SNX29: variants seen among roughly 807,000 people sequenced by gnomAD.
The protein encoded by SNX29 is sorting nexin 29.
A neutral mutation model predicts 102.1 loss-of-function variants in SNX29; 78 were observed. The observed-to-expected ratio is 0.76, with a 90% CI of 0.64 to 0.92. SNX29 has a LOEUF of 0.92. Among genes scored for constraint, SNX29 ranks in the 40% least tolerant of loss-of-function variants. The pLI is 0.00. For synonymous variants in SNX29, 580 were observed against 414.5 expected, an observed-to-expected ratio of 1.40 and a Z score of -4.85; for missense variants, 1,280 against 1,061.7, an observed-to-expected ratio of 1.21 and a Z score of -2.86.
chr16:12,518,285 A>C (rs1039625237), intron 19 of SNX29, among the ~76,000 whole-genome samples: 1 of 152,164 alleles, frequency 6.6e-6, no homozygotes, highest in Non-Finnish European at 1.5e-5. Context: ...TCACTGGTCT[A>C]CGTGGCTCTG....
chr16:12,135,636 C>A, intron 13 of SNX29: 1 of 1,336,802 alleles, frequency 7.5e-7, no homozygotes, highest in Non-Finnish European at 9.9e-7. Context: ...ATCAACAGTT[C>A]CTGATAGTCT....
intron 20 of SNX29, among the ~76,000 whole-genome samples, chr16:12,528,978 ACACT>A (rs960223807): frequency 6.6e-6 from 1 of 152,200 alleles, no homozygotes; most frequent in African/African-American, 2.4e-5. Context: ...GCTTTCACAC[ACACT>A]CTTCCATTTT....
At chr16:12,368,432 C>T (rs2151369042) in intron 16 of SNX29, among the ~76,000 whole-genome samples, 1 of 152,334 alleles carries the variant, frequency 6.6e-6, no homozygotes, top group East Asian at 1.9e-4. Flanking sequence ...AGGCATTTTC[C>T]ACACTGGCTT....
At chr16:12,104,417 G>A (rs573110540) in intron 11 of SNX29, among the ~76,000 whole-genome samples, 90 of 152,198 alleles carry the variant, frequency 5.9e-4, no homozygotes, top group African/African-American at 1.9e-3. Flanking sequence ...TTAGCTGGGC[G>A]TGGTGGTGCA....
At chr16:12,126,805 T>G in intron 12 of SNX29, 109 bp downstream of exon 12, 1 of 1,163,122 alleles carries the variant, frequency 8.6e-7, no homozygotes, top group Non-Finnish European at 1.3e-6. Flanking sequence ...GCAAAAATTG[T>G]GACTGGCTAT....
chr16:12,464,872 G>A (rs2086980623), intron 18 of SNX29, among the ~76,000 whole-genome samples: 1 of 152,174 alleles, frequency 6.6e-6, no homozygotes. Flanking sequence ...CCTGCCAATA[G>A]CGTACAAGAG....
At chr16:12,119,833 C>T (rs1319396016) in intron 11 of SNX29, among the ~76,000 whole-genome samples, 4 of 152,218 alleles carry the variant, frequency 2.6e-5, no homozygotes, top group African/African-American at 9.6e-5. Context: ...TTGCCTCATT[C>T]AGACAGCAAG....
intron 11 of SNX29, among the ~76,000 whole-genome samples, chr16:12,103,637 G>A (rs931319183): frequency 3.3e-5 from 5 of 152,174 alleles, no homozygotes; most frequent in African/African-American, 1.2e-4. Flanking sequence ...CATGGGCAAA[G>A]ACTTCATGAC....
chr16:12,000,059 G>A (rs1160680828), intron 2 of SNX29, among the ~76,000 whole-genome samples: 1 of 152,118 alleles, frequency 6.6e-6, no homozygotes, highest in South Asian at 2.1e-4. Context: ...TGGAGGCCAC[G>A]CCTGAGGTCC....
At position 12,548,306 on chromosome 16, in the gene SNX29, G is replaced by GC. The variant is rs376432602; in HGVS notation, c.2319-20197dup. On this transcript the variant is annotated intron_variant, in intron 20 of 20. Transcript: ENST00000566228. ...AAGGCTGGAAGCTACTGTCCCTGGA[G>GC]CCCTACTCTCCTGGCTTGGTGCCTC... is the stretch of plus-strand genomic sequence containing the variant. Among the ~76,000 whole-genome samples the GC allele has an allele frequency of 4.8e-3, 737 of 152,310 alleles. 2 individuals carry two copies. Among genetic ancestry groups the GC allele is most frequent in the African/African-American group, 0.017 (708 of 41,568 alleles).
intron 18 of SNX29, among the ~76,000 whole-genome samples, chr16:12,467,737 C>T (rs2151781930): frequency 6.6e-6 from 1 of 152,190 alleles, no homozygotes; most frequent in South Asian, 2.1e-4. Flanking sequence ...TTTTGTACTT[C>T]CTGTGGATAA....
chr16:12,284,216 CAT>C (rs1210146080), intron 15 of SNX29, among the ~76,000 whole-genome samples: 1 of 152,234 alleles, frequency 6.6e-6, no homozygotes, highest in Non-Finnish European at 1.5e-5. Flanking sequence ...TTGGAAAGCA[CAT>C]GTATCGCGTG....
chr16:12,076,112 C>T (rs1026662843), intron 10 of SNX29, among the ~76,000 whole-genome samples: 4 of 152,202 alleles, frequency 2.6e-5, no homozygotes, highest in South Asian at 2.1e-4. Context: ...TGACCCCTTG[C>T]GCTTCCCGAG....
intron 15 of SNX29, among the ~76,000 whole-genome samples, chr16:12,309,297 C>G (rs990242346): frequency 6.6e-6 from 1 of 152,176 alleles, no homozygotes; most frequent in African/African-American, 2.4e-5. Context: ...GGGAGATGCA[C>G]AGATAGGGGC....
intron 20 of SNX29, among the ~76,000 whole-genome samples, chr16:12,564,648 G>T (rs1335781587): frequency 6.6e-6 from 1 of 152,204 alleles, no homozygotes; most frequent in Non-Finnish European, 1.5e-5. Flanking sequence ...CTGCTGGGGA[G>T]CAGGAATGGA....
intron 15 of SNX29, among the ~76,000 whole-genome samples, chr16:12,334,891 GC>G (rs2081400494): frequency 9.6e-6 from 1 of 104,202 alleles, no homozygotes; most frequent in African/African-American, 3.9e-5. Flanking sequence ...TAAGTTATCA[GC>G]CCCAGAGCCT....
intron 1 of SNX29, among the ~76,000 whole-genome samples, chr16:11,992,870 A>G (rs928545120): frequency 5.3e-5 from 8 of 152,180 alleles, no homozygotes; most frequent in African/African-American, 1.9e-4. Flanking sequence ...CACTATTTAA[A>G]TATCTGCAGG....
intron 14 of SNX29, among the ~76,000 whole-genome samples, chr16:12,242,458 C>G (rs1356112761): frequency 6.7e-6 from 1 of 149,192 alleles, no homozygotes; most frequent in Non-Finnish European, 1.5e-5. Flanking sequence ...TGTCTTTTAT[C>G]TGGAAAGTGG....
chr16:12,023,898 C>T (rs983900609), intron 3 of SNX29, among the ~76,000 whole-genome samples: 1 of 152,170 alleles, frequency 6.6e-6, no homozygotes, highest in South Asian at 2.1e-4. Context: ...GCATCTCCCA[C>T]CAAAATGTAC....
Sources: allele counts gnomAD v4.1 joint callset (sites outside exome capture counted in the v4.1 genomes callset), GRCh38; gene constraint gnomAD v4.1.1; transcripts MANE v1.5; gene names NCBI Gene and HGNC (gene_info 2026-07-23, HGNC 2026-07-21).